Variants in IL5RA observed in about 807,000 individuals in gnomAD.
The protein encoded by IL5RA is interleukin-5 receptor subunit alpha.
In IL5RA, 49 loss-of-function variants were observed where a neutral mutation model predicts 50.0. The observed-to-expected ratio is 0.98, with a 90% CI of 0.78 to 1.24. The LOEUF is 1.24. Among genes scored for constraint, IL5RA ranks in the 50% most tolerant of loss-of-function variants. IL5RA has a pLI of 0.00. For missense variants in IL5RA, 600 were observed against 500.4 expected (o/e 1.20, Z -1.90); for synonymous variants, 202 against 174.0 (o/e 1.16, Z -1.26).
rs773138961 is a variant in IL5RA at position 3,070,268 on chromosome 3, A to C, written c.1220T>G (p.Ile407Arg). ...SETEIEVICYIEKPGVETLED... is the reference protein window; with the variant it reads ...SETEIEVICYREKPGVETLED... ...CAGGGTCTCAACTCCAGGCTTCTCTATATAACAGATGACTTCAATTTCCGT... is the reference window on the plus strand; with the variant it reads ...CAGGGTCTCAACTCCAGGCTTCTCTCTATAACAGATGACTTCAATTTCCGT... Residue 407 changes from isoleucine (I) to arginine (R), a missense_variant, in exon 12 of 12, where the codon ATA (isoleucine) becomes AGA (arginine). Transcript: ENST00000446632. 6.2e-7 allele frequency: 1 copy of C among 1,613,490 alleles called. No individual in the cohort carries two copies. Among genetic ancestry groups the C allele is most frequent in the South Asian group, 1.1e-5 (1 of 91,022 alleles).
chr3:3,074,741 C>G (rs1702418500), intron 11 of IL5RA, 41 bp downstream of exon 11: 1 of 1,231,698 alleles, frequency 8.1e-7, no homozygotes, highest in Non-Finnish European at 1.2e-6. Flanking sequence ...GGGACTCAAC[C>G]CTGGACACAT....
chr3:3,102,592 T>C, intron 4 of IL5RA, 83 bp downstream of exon 4: 3 of 980,278 alleles, frequency 3.1e-6, no homozygotes, highest in Non-Finnish European at 4.5e-6. Flanking sequence ...ATTTTTTTAA[T>C]CCAAAATTTT....
rs1391025730 is a variant in IL5RA at position 3,102,678 on chromosome 3, A to T, written c.225T>A (p.Asp75Glu). Residue 75 changes from aspartate (D) to glutamate (E), a missense_variant, in exon 4 of 12, where the codon GAT becomes GAA. Asp to Glu is a conservative substitution (Grantham distance 45, BLOSUM62 2). Transcript: ENST00000446632. ...ATCCATTAGAATAAACACTTACGTCATCTTCTTTTGGAGCGTTTATTTTCA... is the reference window on the plus strand; with the variant it reads ...ATCCATTAGAATAAACACTTACGTCTTCTTCTTTTGGAGCGTTTATTTTCA... ...YQVKINAPKEDDYETRITESK... is the reference protein window; with the variant it reads ...YQVKINAPKEEDYETRITESK... 7 of 1,583,232 alleles carry T rather than the reference A, an allele frequency of 4.4e-6. No homozygotes were observed. Among genetic ancestry groups the T allele is most frequent in the Admixed American group, 3.5e-5 (2 of 57,350 alleles).
chr3:3,110,147 A>G lies in IL5RA; in HGVS notation c.-348T>C, dbSNP rs1028218104. The G allele has an allele frequency of 6.6e-6, 1 of 152,246 alleles. No homozygotes were observed. The highest frequency in any genetic ancestry group is 2.4e-5 in the African/African-American group (1 of 41,466). The allele number at this position is 152,246 out of a possible 1,614,324, so 9.4% of individuals were successfully genotyped here. ...AGCAAATATGGAGGAGGATTTGTAC[A>G]GAGCAACTGTGCAGGAGCTGAACTG... On this transcript the variant is annotated 5_prime_UTR_variant, in exon 1 of 12. Coordinates refer to ENST00000446632, the MANE Select transcript of IL5RA (RefSeq NM_175726.4).
Position 3,092,384 on chromosome 3 carries a change from T to G in IL5RA, c.856-22A>C. ...CTATCTAAGTGGGGAAAGATAGCAT[T>G]AGAAGAATCTCTAGACACCTAATTT... On this transcript the variant is annotated intron_variant, in intron 8 of 11. Transcript: ENST00000446632. The surrounding 1 kb of genome is among the most constrained non-coding windows in gnomAD (Gnocchi z 4.2). 2.5e-6 allele frequency: 4 copies of G among 1,608,386 alleles called. No homozygotes were observed. The highest frequency in any genetic ancestry group is 3.4e-6 in the Non-Finnish European group (4 of 1,177,582).
chr3:3,070,573 A>ATC (rs1559858176), intron 11 of IL5RA, among the ~76,000 whole-genome samples: 1 of 106,232 alleles, frequency 9.4e-6, no homozygotes, highest in East Asian at 2.5e-4. Context: ...ATGGATACAC[A>ATC]TCTTTTTTTT....
chr3:3,080,389 A>T (rs1209582499), intron 9 of IL5RA, among the ~76,000 whole-genome samples: 8 of 152,170 alleles, frequency 5.3e-5, no homozygotes, highest in Admixed American at 5.2e-4. Context: ...CTTAGCCTTG[A>T]TGTAGGAATC....
At chr3:3,105,862 T>A (rs1234251631) in intron 2 of IL5RA, among the ~76,000 whole-genome samples, 1 of 152,178 alleles carries the variant, frequency 6.6e-6, no homozygotes, top group Admixed American at 6.5e-5. Flanking sequence ...TGAGAAGTCT[T>A]GAGTTTTTCT....
At position 3,092,703 on chromosome 3, in the gene IL5RA, A is replaced by C. The variant is rs957489565; in HGVS notation, c.856-341T>G. ...CCCTCACCTTGTCTCTCCATAATCT[A>C]TAGTCACATTACTAAATAATGTCAC... is the stretch of plus-strand genomic sequence containing the variant. On this transcript the variant is annotated intron_variant, in intron 8 of 11. Coordinates refer to ENST00000446632, the MANE Select transcript of IL5RA (RefSeq NM_175726.4). The surrounding 1 kb of genome is among the most constrained non-coding windows in gnomAD (Gnocchi z 4.2). Among the ~76,000 whole-genome samples the C allele has an allele frequency of 6.6e-6, 1 of 152,230 alleles. No individual in the cohort carries two copies. The highest frequency in any genetic ancestry group is 1.5e-5 in the Non-Finnish European group (1 of 68,034).
chr3:3,096,483 G>A (rs1307847521), intron 7 of IL5RA, among the ~76,000 whole-genome samples: 2 of 151,950 alleles, frequency 1.3e-5, no homozygotes, highest in African/African-American at 4.8e-5. Context: ...GCTAGGAGTG[G>A]GATCCACTGG....
chr3:3,084,699 C>A lies in IL5RA; in HGVS notation c.994+7525G>T, dbSNP rs569677919. 2.6e-5 allele frequency among the ~76,000 whole-genome samples: 4 copies of A among 152,332 alleles called. No individual in the cohort carries two copies. The South Asian group carries it at 8.3e-4, about 32-fold the overall frequency. On this transcript the variant is annotated intron_variant, in intron 9 of 11. Transcript: ENST00000446632. ...GGCAATGGAACATCTCGAAAAGAAC[C>A]CAGGTGTGGAGCCAATCCTCTAGCT...
chr3:3,069,555 T>C lies in IL5RA; in HGVS notation c.*670A>G, dbSNP rs1020088181. On this transcript the variant is annotated 3_prime_UTR_variant, in exon 12 of 12. Transcript: ENST00000446632. Reference sequence around the variant, plus strand: ...TCTCTTTTGATATGGGGTGATATATTAGCTCTATTATGCTTTTAAATTAGT... The same window carrying C: ...TCTCTTTTGATATGGGGTGATATATCAGCTCTATTATGCTTTTAAATTAGT... 1 of 152,206 alleles carries C rather than the reference T, an allele frequency of 6.6e-6. No homozygotes were observed. Among genetic ancestry groups the C allele is most frequent in the Non-Finnish European group, 1.5e-5 (1 of 68,046 alleles). The allele number at this position is 152,206 out of a possible 1,614,324, so 9.4% of individuals were successfully genotyped here.
At chr3:3,090,448 C>A (rs375633166) in intron 9 of IL5RA, among the ~76,000 whole-genome samples, 1 of 152,102 alleles carries the variant, frequency 6.6e-6, no homozygotes. Flanking sequence ...ACACATGAGA[C>A]GCACTAGTTG....
chr3:3,074,994 C>A, intron 10 of IL5RA, 128 bp from the exon 11 acceptor site: 2 of 635,146 alleles, frequency 3.1e-6, no homozygotes, highest in South Asian at 1.9e-5. Flanking sequence ...CTTTACGTAC[C>A]AAGACTTCCA....
intron 3 of IL5RA, among the ~76,000 whole-genome samples, chr3:3,104,321 G>C (rs539269411): frequency 2.0e-5 from 3 of 152,196 alleles, no homozygotes; most frequent in Admixed American, 1.3e-4. Context: ...TTACAGGTGT[G>C]AGCCACTGCA....
At chr3:3,101,926 G>A (rs1703672674) in intron 4 of IL5RA, 96 bp from the exon 5 acceptor site, 1 of 1,056,902 alleles carries the variant, frequency 9.5e-7, no homozygotes. Flanking sequence ...CTTTTTAAAT[G>A]ATTAGTAAGA....
At chr3:3,104,257 T>A (rs1426672916) in intron 3 of IL5RA, among the ~76,000 whole-genome samples, 2 of 152,232 alleles carry the variant, frequency 1.3e-5, no homozygotes, top group Non-Finnish European at 2.9e-5. Flanking sequence ...CAGGTGGGTC[T>A]CAAACTTCTG....
chr3:3,101,551 T>G (rs1575007328), intron 5 of IL5RA, 141 bp downstream of exon 5: 2 of 712,632 alleles, frequency 2.8e-6, no homozygotes, highest in Non-Finnish European at 4.5e-6. Flanking sequence ...GCAGCCTTGG[T>G]TAGGATGTTG....
chr3:3,093,804 T>C (rs1398370241), intron 8 of IL5RA, among the ~76,000 whole-genome samples: 1 of 152,238 alleles, frequency 6.6e-6, no homozygotes, highest in Non-Finnish European at 1.5e-5. Flanking sequence ...ACAGTCTTAT[T>C]TCTCACAAAG....
Sources: gnomAD v4.1 joint callset for allele counts (sites outside exome capture counted in the v4.1 genomes callset) on GRCh38, gnomAD v4.1.1 for gene constraint, Gnocchi (gnomAD v3.1) non-coding constraint, MANE v1.5 for transcripts, NCBI Gene and HGNC (gene_info 2026-07-23, HGNC 2026-07-21) for gene names.